TMOD1: variants seen among roughly 807,000 people sequenced by gnomAD.
TMOD1 encodes tropomodulin-1.
In TMOD1, 17 loss-of-function variants were observed where a neutral mutation model predicts 40.6. That is an observed-to-expected ratio of 0.42 (90% CI 0.29 to 0.63). The LOEUF is 0.63. Ranked by LOEUF, TMOD1 falls within the 20% of genes least tolerant of loss-of-function variation. The probability of loss-of-function intolerance (pLI) is 0.22; values close to 1 mark genes in which losing one functional copy is unlikely to be tolerated. For missense variants in TMOD1, 391 were observed against 447.6 expected, an observed-to-expected ratio of 0.87 and a Z score of 1.14; for synonymous variants, 181 against 175.0, an observed-to-expected ratio of 1.03 and a Z score of -0.27.
chr9:97,501,555 G>C (rs1829500634), upstream of TMOD1: 1 of 150,652 alleles, frequency 6.6e-6, no homozygotes, highest in Non-Finnish European at 1.5e-5. Flanking sequence ...GGAGGGGGGG[G>C]GAAGGAGGGA....
intron 8 of TMOD1, among the ~76,000 whole-genome samples, chr9:97,583,396 G>A (rs200791677): frequency 0.014 from 2,034 of 149,674 alleles, 68 homozygotes; most frequent in East Asian, 0.12. Context: ...TGCTGGATTC[G>A]TTTTGCCAGT....
chr9:97,599,079 G>T (rs1381445804), intron 9 of TMOD1, among the ~76,000 whole-genome samples: 4 of 152,084 alleles, frequency 2.6e-5, no homozygotes, highest in Non-Finnish European at 5.9e-5. Context: ...CCTCTTCATG[G>T]CATTTAACTA....
intron 4 of TMOD1, chr9:97,555,673 C>T (rs763868719): frequency 6.4e-7 from 1 of 1,551,214 alleles, no homozygotes; most frequent in South Asian, 1.2e-5. Context: ...GAAGGAGGGA[C>T]TGAACACTTT....
intron 1 of TMOD1, among the ~76,000 whole-genome samples, chr9:97,511,790 GC>G (rs1214878756): frequency 4.6e-5 from 7 of 152,056 alleles, no homozygotes; most frequent in Admixed American, 4.6e-4. Flanking sequence ...TCACCGTGTT[GC>G]CCAGGCTGGT....
At chr9:97,546,514 T>C (rs1486470531) in intron 3 of TMOD1, among the ~76,000 whole-genome samples, 173 bp downstream of exon 3, 10 of 152,136 alleles carry the variant, frequency 6.6e-5, no homozygotes, top group Non-Finnish European at 1.2e-4. Context: ...CTATGGATGA[T>C]GTAGATTTCA....
intron 2 of TMOD1, among the ~76,000 whole-genome samples, chr9:97,528,580 G>C (rs1830051899): frequency 1.3e-5 from 2 of 152,242 alleles, no homozygotes; most frequent in South Asian, 4.1e-4. Context: ...AAGGCCTGGA[G>C]GGCCTCCCTT....
At chr9:97,501,181 G>T (rs975735059), upstream of TMOD1, 4 of 152,070 alleles carry the variant, frequency 2.6e-5, no homozygotes, top group Non-Finnish European at 4.4e-5. Context: ...ACTACGTGTA[G>T]ACAAAACGAT....
chr9:97,517,068 C>G (rs888107522), intron 1 of TMOD1, among the ~76,000 whole-genome samples: 4 of 151,980 alleles, frequency 2.6e-5, no homozygotes, highest in Admixed American at 1.3e-4. Context: ...GAGGAGAGGC[C>G]AGACATGGTG....
At chr9:97,510,074 G>A (rs901051118) in intron 1 of TMOD1, among the ~76,000 whole-genome samples, 8 of 151,842 alleles carry the variant, frequency 5.3e-5, no homozygotes, top group Non-Finnish European at 1.2e-4. Context: ...TTTTGGTATT[G>A]TTCGTATTAA....
chr9:97,546,072 C>T (rs1054146360), intron 2 of TMOD1, 113 bp from the exon 3 acceptor site: 1 of 1,268,664 alleles, frequency 7.9e-7, no homozygotes, highest in East Asian at 2.5e-5. Context: ...CTCTGAGGTC[C>T]CTTCTGTTCG....
At chr9:97,570,903 T>G (rs1830807751) in intron 8 of TMOD1, among the ~76,000 whole-genome samples, 1 of 152,264 alleles carries the variant, frequency 6.6e-6, no homozygotes, top group African/African-American at 2.4e-5. Flanking sequence ...AGCAGTCACA[T>G]GAGCTGGCAG....
At chr9:97,504,352 A>G (rs1829555607) in intron 1 of TMOD1, among the ~76,000 whole-genome samples, 1 of 152,188 alleles carries the variant, frequency 6.6e-6, no homozygotes, top group East Asian at 1.9e-4. Flanking sequence ...GGCTCTCAAC[A>G]GAGCCAGCAA....
intron 1 of TMOD1, 140 bp from the exon 2 acceptor site, chr9:97,524,001 G>A: frequency 1.8e-6 from 1 of 546,008 alleles, no homozygotes; most frequent in Non-Finnish European, 3.1e-6. Context: ...GCCAAACTTA[G>A]TGTAGTATTC....
chr9:97,523,963 T>C (rs903184931), intron 1 of TMOD1, among the ~76,000 whole-genome samples, 178 bp from the exon 2 acceptor site: 4 of 152,262 alleles, frequency 2.6e-5, no homozygotes, highest in South Asian at 2.1e-4. Context: ...CTCAGGACTT[T>C]ACCTTGCACA....
At chr9:97,560,135 T>TA (rs1830614781) in intron 4 of TMOD1, among the ~76,000 whole-genome samples, 1 of 107,352 alleles carries the variant, frequency 9.3e-6, no homozygotes, top group African/African-American at 3.4e-5. Flanking sequence ...GTGACTTGGA[T>TA]ATTTTTTAAA....
chr9:97,531,038 C>CG lies in TMOD1; in HGVS notation c.120+6730_120+6731insG, dbSNP rs1159732389. Among the ~76,000 whole-genome samples, 5 of 117,962 alleles carry CG rather than the reference C, an allele frequency of 4.2e-5. 1 individual carries two copies. The South Asian group carries it at 1.1e-3, about 27-fold the overall frequency. 77.4% of individuals were successfully genotyped at this position (117,962 alleles called of 152,430 possible). On this transcript the variant is annotated intron_variant, in intron 2 of 9. Coordinates refer to ENST00000259365, the MANE Select transcript of TMOD1 (RefSeq NM_003275.4). ...CCTGACCTTAGGTGATCCACACCCA[C>CG]CCCCCCCACCACCCCTTGGCCTCCC...
chr9:97,519,034 C>T (rs1488755759), intron 1 of TMOD1, among the ~76,000 whole-genome samples: 2 of 152,238 alleles, frequency 1.3e-5, no homozygotes, highest in African/African-American at 4.8e-5. Flanking sequence ...TGACTCAGCT[C>T]TTCCTGAGCT....
rs1383647797 is a variant in TMOD1, at chr9:97,555,460, T to C, written c.397+2060T>C. Reference sequence around the variant, plus strand: ...GTGCCAGGTCAGAGCTGCAACTCTGTGCTACGTTTCTGTGTGGCTTTCTTG... The same window carrying C: ...GTGCCAGGTCAGAGCTGCAACTCTGCGCTACGTTTCTGTGTGGCTTTCTTG... On this transcript the variant is annotated intron_variant, in intron 4 of 9. Coordinates refer to ENST00000259365, the MANE Select transcript of TMOD1 (RefSeq NM_003275.4). 6 of 1,428,534 alleles carry C rather than the reference T, an allele frequency of 4.2e-6. No individual in the cohort carries two copies. In the African/African-American group the frequency reaches 7.2e-5, roughly 17 times the overall value. 88.5% of individuals were successfully genotyped at this position (1,428,534 alleles called of 1,614,324 possible).
chr9:97,562,192 G>T (rs1420602636), intron 4 of TMOD1, among the ~76,000 whole-genome samples: 4 of 152,188 alleles, frequency 2.6e-5, no homozygotes, highest in African/African-American at 9.6e-5. Flanking sequence ...CAGCTGCTTT[G>T]TGCTGCATGC....
Sources: gnomAD v4.1 joint callset for allele counts (sites outside exome capture counted in the v4.1 genomes callset) on GRCh38, gnomAD v4.1.1 for gene constraint, MANE v1.5 for transcripts, NCBI Gene and HGNC (gene_info 2026-07-23, HGNC 2026-07-21) for gene names.